Variants in PKP4 observed in about 807,000 individuals in gnomAD.
PKP4 encodes the protein plakophilin-4.
Under a neutral mutation model 145.1 loss-of-function variants are expected in PKP4, and 90 were observed. That is an observed-to-expected ratio of 0.62 (90% CI 0.52 to 0.74). The LOEUF (loss-of-function observed/expected upper bound fraction) is 0.74. Among genes scored for constraint, PKP4 ranks in the 30% least tolerant of loss-of-function variants. PKP4 has a pLI of 0.00. For synonymous variants in PKP4, 563 were observed against 577.2 expected, an observed-to-expected ratio of 0.98 and a Z score of 0.35; for missense variants, 1,340 against 1,482.7, an observed-to-expected ratio of 0.90 and a Z score of 1.58.
chr2:158,560,275 TTAAA>T (rs774865295), intron 2 of PKP4, among the ~76,000 whole-genome samples: 14 of 152,154 alleles, frequency 9.2e-5, no homozygotes, highest in Non-Finnish European at 1.6e-4. Context: ...TGCTTTGAAA[TTAAA>T]TAAATAGAGC....
rs752740579 is a variant in PKP4, at chr2:158,624,865, C to T, written c.604-13C>T. ...GGATAAACCCATTCTCTTTTTTCCC[C>T]CCCTTTCATCAGCCATCAGTAGCCA... On this transcript the variant is annotated splice_polypyrimidine_tract_variant and intron_variant, in intron 6 of 21. Coordinates refer to ENST00000389759, the MANE Select transcript of PKP4 (RefSeq NM_003628.6). 101 of 1,547,848 alleles carry T rather than the reference C, an allele frequency of 6.5e-5. No individual in the cohort carries two copies. The highest frequency in any genetic ancestry group is 8.5e-5 in the Non-Finnish European group (98 of 1,146,600).
chr2:158,547,802 G>A (rs1401075571), intron 2 of PKP4, among the ~76,000 whole-genome samples: 2 of 152,170 alleles, frequency 1.3e-5, no homozygotes, highest in African/African-American at 4.8e-5. Context: ...CAAAACTCCA[G>A]TATGCAGCTT....
chr2:158,523,195 A>C (rs1008946720), intron 1 of PKP4, among the ~76,000 whole-genome samples: 1 of 147,054 alleles, frequency 6.8e-6, no homozygotes. Context: ...GACAAACAAA[A>C]AGACAGCAGT....
intron 1 of PKP4, among the ~76,000 whole-genome samples, chr2:158,523,489 C>T (rs541168673): frequency 1.4e-3 from 66 of 46,284 alleles, no homozygotes; most frequent in Non-Finnish European, 3.1e-3. Context: ...TGTACATCAC[C>T]ATCATCAAAG....
At chr2:158,602,002 C>G (rs962974862) in intron 3 of PKP4, among the ~76,000 whole-genome samples, 6 of 152,026 alleles carry the variant, frequency 3.9e-5, no homozygotes, top group African/African-American at 1.4e-4. Context: ...CAAAAAAATA[C>G]CATGAATATA....
chr2:158,620,963 T>A, intron 4 of PKP4, 27 bp from the exon 5 acceptor site: 1 of 1,604,572 alleles, frequency 6.2e-7, no homozygotes, highest in Non-Finnish European at 8.5e-7. Context: ...TTATTATATT[T>A]AGCTGATTAA....
intron 11 of PKP4, among the ~76,000 whole-genome samples, chr2:158,654,391 G>A (rs1000796873): frequency 6.6e-6 from 1 of 152,068 alleles, no homozygotes; most frequent in African/African-American, 2.4e-5. Context: ...TTCTATAGTA[G>A]GCTAGTGTTA....
intron 3 of PKP4, among the ~76,000 whole-genome samples, chr2:158,599,327 A>G (rs757659496): frequency 6.6e-6 from 1 of 152,208 alleles, no homozygotes; most frequent in East Asian, 1.9e-4. Context: ...AGTGATAGCC[A>G]TGTGTCAGAT....
At chr2:158,472,342 G>A (rs544772340) in intron 1 of PKP4, among the ~76,000 whole-genome samples, 2 of 152,158 alleles carry the variant, frequency 1.3e-5, no homozygotes, top group South Asian at 4.2e-4. Flanking sequence ...GGGCGTGGTG[G>A]CTCACGCCTG....
intron 3 of PKP4, among the ~76,000 whole-genome samples, chr2:158,582,073 A>G (rs935784951): frequency 1.3e-5 from 2 of 152,206 alleles, no homozygotes; most frequent in Non-Finnish European, 2.9e-5. Flanking sequence ...AAAGCCCTGA[A>G]GGTGGGTTAT....
chr2:158,625,539 C>T (rs983778027), intron 7 of PKP4, 112 bp downstream of exon 7: 7 of 869,228 alleles, frequency 8.1e-6, no homozygotes, highest in African/African-American at 1.7e-5. Flanking sequence ...TTTTTAATCT[C>T]AGATTTTAAA....
At chr2:158,597,669 G>T (rs1027432962) in intron 3 of PKP4, among the ~76,000 whole-genome samples, 1 of 151,992 alleles carries the variant, frequency 6.6e-6, no homozygotes, top group African/African-American at 2.4e-5. Flanking sequence ...ACAATTTCTA[G>T]GATAATTTGA....
chr2:158,484,017 A>G (rs970716946), intron 1 of PKP4, among the ~76,000 whole-genome samples: 5 of 146,952 alleles, frequency 3.4e-5, no homozygotes, highest in South Asian at 2.1e-4. Context: ...GCACAGTTGC[A>G]CATTTTTTCT....
chr2:158,565,059 C>G (rs1443785551), intron 2 of PKP4, among the ~76,000 whole-genome samples: 1 of 152,212 alleles, frequency 6.6e-6, no homozygotes, highest in Non-Finnish European at 1.5e-5. Context: ...TCCAACTCTT[C>G]ACTTACTAAT....
At chr2:158,572,478 G>C (rs1055560789) in intron 2 of PKP4, among the ~76,000 whole-genome samples, 1 of 152,206 alleles carries the variant, frequency 6.6e-6, no homozygotes, top group African/African-American at 2.4e-5. Flanking sequence ...CTTTTACCCT[G>C]AAGATATCTG....
chr2:158,518,651 T>C (rs756194591), intron 1 of PKP4, among the ~76,000 whole-genome samples: 4 of 152,238 alleles, frequency 2.6e-5, no homozygotes, highest in Non-Finnish European at 4.4e-5. Context: ...TCCTCTGTCA[T>C]ATTTGTTGTT....
intron 4 of PKP4, among the ~76,000 whole-genome samples, chr2:158,618,660 C>T (rs1001244078): frequency 2.0e-5 from 3 of 151,820 alleles, no homozygotes; most frequent in African/African-American, 7.3e-5. Context: ...TACATGGTTT[C>T]TGAGAATATG....
chr2:158,480,100 G>A (rs1328148466), intron 1 of PKP4, among the ~76,000 whole-genome samples: 2 of 152,276 alleles, frequency 1.3e-5, no homozygotes, highest in Admixed American at 6.5e-5. Context: ...AGGAGTACAC[G>A]CCTGTGTTTT....
intron 2 of PKP4, among the ~76,000 whole-genome samples, chr2:158,537,027 C>A (rs3771596): frequency 0.23 from 34,381 of 152,066 alleles, 4,420 homozygotes; most frequent in Middle Eastern, 0.35. Context: ...ATTAGACCTG[C>A]AATAAATGGT....
Sources: gnomAD v4.1 joint callset for allele counts (sites outside exome capture counted in the v4.1 genomes callset) on GRCh38, gnomAD v4.1.1 for gene constraint, MANE v1.5 for transcripts, NCBI Gene and HGNC (gene_info 2026-07-23, HGNC 2026-07-21) for gene names.